The following ROCK2 variants were observed in gnomAD, a reference collection of about 807,000 sequenced individuals.
ROCK2 encodes the protein rho-associated protein kinase 2.
In ROCK2, 61 loss-of-function variants were observed where a neutral mutation model predicts 195.1. The observed-to-expected ratio is 0.31, with a 90% CI of 0.25 to 0.39. The LOEUF (loss-of-function observed/expected upper bound fraction) is 0.39. Ranked by LOEUF, ROCK2 falls within the 10% of genes least tolerant of loss-of-function variation. The pLI is 1.00. For synonymous variants in ROCK2, 504 were observed against 545.5 expected, an observed-to-expected ratio of 0.92 and a Z score of 1.06; for missense variants, 1,109 against 1,637.4, an observed-to-expected ratio of 0.68 and a Z score of 5.57.
rs1292087793 is a variant in ROCK2 at position 11,181,209 on chromosome 2, T to TATATATAC, written c.*2227_*2228insGTATATAT. On this transcript the variant is annotated 3_prime_UTR_variant, in exon 33 of 33. Transcript: ENST00000315872. ...ATATATATATATATATATATATATA[T>TATATATAC]ACTCTCCAATTCAGAATAGGATAGA... 1.4e-5 allele frequency: 2 copies of TATATATAC among 141,138 alleles called. No homozygotes were observed. The highest frequency in any genetic ancestry group is 2.0e-4 in the East Asian group (1 of 4,914). The allele number at this position is 141,138 out of a possible 1,614,324, so 8.7% of individuals were successfully genotyped here. A position where few individuals can be genotyped will look rare whatever the true frequency, so the allele number is the denominator to read the frequency against.
chr2:11,227,959 T>C (rs977227026), intron 5 of ROCK2, among the ~76,000 whole-genome samples: 1 of 152,220 alleles, frequency 6.6e-6, no homozygotes, highest in Non-Finnish European at 1.5e-5. Flanking sequence ...GCTATATATT[T>C]AGAAATATGC....
intron 3 of ROCK2, among the ~76,000 whole-genome samples, chr2:11,265,742 G>A (rs564053182): frequency 2.6e-5 from 4 of 152,060 alleles, no homozygotes; most frequent in African/African-American, 9.7e-5. Context: ...ATAAAACAGC[G>A]ACCAGGAAAA....
intron 1 of ROCK2, chr2:11,308,687 G>C (rs1055804379): frequency 6.5e-7 from 1 of 1,534,998 alleles, no homozygotes; most frequent in African/African-American, 1.4e-5. Context: ...TTTTAATGTG[G>C]ACATTGAGCT....
intron 1 of ROCK2, among the ~76,000 whole-genome samples, chr2:11,332,409 C>T (rs530504621): frequency 5.1e-4 from 77 of 152,260 alleles, no homozygotes; most frequent in Non-Finnish European, 8.4e-4. Flanking sequence ...CAGTTGATTA[C>T]CGTATTATTT....
intron 5 of ROCK2, chr2:11,234,677 T>C (rs1448075027): frequency 3.3e-5 from 5 of 152,062 alleles, no homozygotes; most frequent in African/African-American, 1.2e-4. Context: ...CCATAAAGTA[T>C]AGCACAAATT....
In ROCK2 at chr2:11,271,155, T is replaced by C. The variant is rs77547159; in HGVS notation, c.324+15384A>G. Among the ~76,000 whole-genome samples the C allele has an allele frequency of 1.5e-4, 23 of 151,462 alleles. No individual in the cohort carries two copies. In the East Asian group the frequency reaches 4.5e-3, roughly 29 times the overall value. The stretch of plus-strand genomic sequence containing the variant: ...TAACCTTCCCCAAGTTCCATTATGC[T>C]CTGGTTACATCTGGAGGGCAGGCCT... On this transcript the variant is annotated intron_variant, in intron 3 of 32. Transcript: ENST00000315872.
intron 1 of ROCK2, among the ~76,000 whole-genome samples, chr2:11,294,201 A>AAAAGAAAGG (rs1020459369): frequency 6.6e-6 from 1 of 152,102 alleles, no homozygotes; most frequent in South Asian, 2.1e-4. Flanking sequence ...AGAGAGAAAG[A>AAAAGAAAGG]AAAGAAAGGA....
chr2:11,323,667 CAT>C (rs889157008), intron 1 of ROCK2, among the ~76,000 whole-genome samples: 2 of 152,180 alleles, frequency 1.3e-5, no homozygotes, highest in African/African-American at 2.4e-5. Context: ...TTTTAAAGAA[CAT>C]GTTTTTTAAA....
At chr2:11,267,731 T>C in intron 3 of ROCK2, among the ~76,000 whole-genome samples, 1 of 143,862 alleles carries the variant, frequency 7.0e-6, no homozygotes, top group East Asian at 2.0e-4. Context: ...AGATGGAGTC[T>C]CACCCTGTCA....
chr2:11,208,019 G>A (rs1664116206), intron 19 of ROCK2, 109 bp from the exon 20 acceptor site: 1 of 710,454 alleles, frequency 1.4e-6, no homozygotes, highest in Non-Finnish European at 2.0e-6. Flanking sequence ...TTACCCTTAG[G>A]TAGCTAATTC....
chr2:11,274,305 CAAA>C (rs1196595626), intron 3 of ROCK2, among the ~76,000 whole-genome samples: 2 of 151,888 alleles, frequency 1.3e-5, no homozygotes, highest in African/African-American at 4.8e-5. Context: ...ACAACAACAA[CAAA>C]ATCAATGAAA....
intron 1 of ROCK2, among the ~76,000 whole-genome samples, chr2:11,299,273 C>CA (rs1208739865): frequency 0.024 from 3,074 of 126,020 alleles, 89 homozygotes; most frequent in African/African-American, 0.071. Flanking sequence ...GACTCCATCT[C>CA]AAAAAAAAAA....
At chr2:11,311,280 C>T (rs1270655970) in intron 1 of ROCK2, among the ~76,000 whole-genome samples, 1 of 151,964 alleles carries the variant, frequency 6.6e-6, no homozygotes, top group Non-Finnish European at 1.5e-5. Context: ...CCTGGAGAGC[C>T]CCCAAAGCAG....
At chr2:11,222,045 A>T (rs901663627) in intron 8 of ROCK2, 38 bp downstream of exon 8, 1 of 1,221,924 alleles carries the variant, frequency 8.2e-7, no homozygotes, top group African/African-American at 1.5e-5. Flanking sequence ...GAGTTTCAGA[A>T]TGTGATGGAA....
intron 6 of ROCK2, 88 bp from the exon 7 acceptor site, chr2:11,224,548 AT>A: frequency 8.4e-7 from 1 of 1,188,490 alleles, no homozygotes. Flanking sequence ...TTAAGTTTAA[AT>A]TTGTCACATG....
chr2:11,344,025 G>T lies in ROCK2; in HGVS notation c.112C>A (p.Arg38Ser). Reference protein sequence around the residue: ...RKLEALIRDPRSPINVESLLD... With the variant: ...RKLEALIRDPSSPINVESLLD... ...AAGCTCTCCACGTTGATGGGGGAGC[G>T]AGGGTCTCGGATCAGCGCCTCCAGC... Residue 38 changes from arginine (R) to serine (S), a missense_variant, in exon 1 of 33, where the codon CGC becomes AGC. By Grantham distance (110) the Arg-to-Ser change is moderately radical (BLOSUM62 -1). Coordinates refer to ENST00000315872, the MANE Select transcript of ROCK2 (RefSeq NM_004850.5). The surrounding 1 kb of genome is among the most constrained non-coding windows in gnomAD (Gnocchi z 5.4). The T allele has an allele frequency of 6.3e-7, 1 of 1,590,256 alleles. No individual in the cohort carries two copies. Among genetic ancestry groups the T allele is most frequent in the South Asian group, 1.1e-5 (1 of 90,118 alleles).
chr2:11,263,354 ACT>A (rs1385674332), intron 3 of ROCK2, among the ~76,000 whole-genome samples: 1 of 152,018 alleles, frequency 6.6e-6, no homozygotes. Context: ...GAAAAATCTA[ACT>A]CCAGATATGA....
intron 3 of ROCK2, among the ~76,000 whole-genome samples, chr2:11,276,057 A>G (rs911297972): frequency 5.9e-5 from 9 of 152,190 alleles, no homozygotes; most frequent in Admixed American, 5.2e-4. Context: ...GAGTAAAAGA[A>G]AACCACCTCA....
rs572512393 is a variant in ROCK2, at chr2:11,202,686, C to T, written c.2550-565G>A. ...CTAATTTTTGTATTTTTAGTAGAGA[C>T]GGGGTTTCACCGTGTTAGCCAGGAT... On this transcript the variant is annotated intron_variant, in intron 20 of 32. Transcript: ENST00000315872. 1.6e-4 allele frequency among the ~76,000 whole-genome samples: 24 copies of T among 151,934 alleles called. 1 individual carries two copies. In the South Asian group the frequency reaches 2.9e-3, roughly 18 times the overall value.
Sources: allele counts gnomAD v4.1 joint callset (sites outside exome capture counted in the v4.1 genomes callset), GRCh38; gene constraint gnomAD v4.1.1; non-coding constraint Gnocchi (gnomAD v3.1); transcripts MANE v1.5; gene names NCBI Gene and HGNC (gene_info 2026-07-23, HGNC 2026-07-21).